The following LEKR1 variants were observed in gnomAD, a reference collection of about 807,000 sequenced individuals.
LEKR1 encodes leucine, glutamate and lysine rich 1, also known as protein LEKR1.
Under a neutral mutation model 72.4 loss-of-function variants are expected in LEKR1, and 59 were observed. The ratio of observed to expected loss-of-function variants is 0.82; its 90% confidence interval spans 0.66 to 1.01. LEKR1 has a LOEUF of 1.01. Among genes scored for constraint, LEKR1 ranks in the 50% least tolerant of loss-of-function variants. The pLI is 0.00. For missense variants in LEKR1, 728 were observed against 759.2 expected (o/e 0.96, Z 0.48); for synonymous variants, 257 against 263.2 (o/e 0.98, Z 0.23).
chr3:156,900,550 TA>T (rs11458111), intron 3 of LEKR1, among the ~76,000 whole-genome samples: 5 of 151,612 alleles, frequency 3.3e-5, no homozygotes, highest in East Asian at 1.9e-4. Flanking sequence ...TTTGATGATC[TA>T]AAAAAAAATC....
chr3:156,972,339 G>A (rs371417391), intron 6 of LEKR1, among the ~76,000 whole-genome samples: 2 of 150,422 alleles, frequency 1.3e-5, no homozygotes, highest in Non-Finnish European at 3.0e-5. Context: ...ACGGGGGCCT[G>A]TTATGGGGTC....
intron 3 of LEKR1, among the ~76,000 whole-genome samples, chr3:156,910,248 G>A (rs1002680799): frequency 6.6e-6 from 1 of 152,100 alleles, no homozygotes; most frequent in African/African-American, 2.4e-5. Context: ...CCCAGGTAGT[G>A]AGCATAGTAA....
At position 157,028,192 on chromosome 3, in the gene LEKR1, C is replaced by T; in HGVS notation, c.1458C>T (p.Tyr486=). 1 of 1,611,358 alleles carries T rather than the reference C, an allele frequency of 6.2e-7. No homozygotes were observed. The highest frequency in any genetic ancestry group is 8.5e-7 in the Non-Finnish European group (1 of 1,177,800). ...KEKLHKSHIR[Y]TEESNSKEKE... ...AACTTCACAAATCCCATATTCGGTACACTGAAGAATCTAATTCAAAGGAAA... is the reference window on the plus strand; with the variant it reads ...AACTTCACAAATCCCATATTCGGTATACTGAAGAATCTAATTCAAAGGAAA... The change falls in exon 12 of 13, where the codon TAC becomes TAT. Residue 486 remains tyrosine, a synonymous_variant. Transcript: ENST00000356539.
intron 9 of LEKR1, among the ~76,000 whole-genome samples, chr3:157,003,129 C>A (rs751629764): frequency 4.6e-5 from 7 of 152,158 alleles, no homozygotes; most frequent in Admixed American, 1.3e-4. Context: ...CAACAGGAAA[C>A]CTAATTTAAG....
At chr3:156,932,107 A>T (rs541310668) in intron 5 of LEKR1, among the ~76,000 whole-genome samples, 1 of 152,304 alleles carries the variant, frequency 6.6e-6, no homozygotes, top group South Asian at 2.1e-4. Context: ...ATGGATGTAT[A>T]AAGTATTTGA....
chr3:156,976,554 AC>A (rs1560120735), intron 6 of LEKR1, among the ~76,000 whole-genome samples: 1 of 152,030 alleles, frequency 6.6e-6, no homozygotes, highest in African/African-American at 2.4e-5. Context: ...AATCTAAACC[AC>A]CTTTTGGAGT....
chr3:156,987,838 T>C (rs1423373319), intron 7 of LEKR1, among the ~76,000 whole-genome samples: 1 of 152,162 alleles, frequency 6.6e-6, no homozygotes, highest in Admixed American at 6.5e-5. Context: ...TTAATTAGTC[T>C]AGTAGGCCAT....
intron 3 of LEKR1, among the ~76,000 whole-genome samples, chr3:156,854,306 G>A (rs1190546722): frequency 2.6e-5 from 4 of 151,626 alleles, no homozygotes. Flanking sequence ...ACCATGCACG[G>A]CTAATTTTTT....
chr3:156,833,951 T>C (rs1712775710), intron 2 of LEKR1, among the ~76,000 whole-genome samples: 1 of 151,774 alleles, frequency 6.6e-6, no homozygotes, highest in South Asian at 2.1e-4. Context: ...AAACATTTCA[T>C]TGTGGCTCAG....
chr3:156,947,959 T>C (rs1363118257), intron 6 of LEKR1, among the ~76,000 whole-genome samples: 2 of 151,184 alleles, frequency 1.3e-5, no homozygotes, highest in Non-Finnish European at 3.0e-5. Flanking sequence ...TTTTTCTCTC[T>C]CTACTCATTA....
intron 3 of LEKR1, among the ~76,000 whole-genome samples, chr3:156,916,516 C>A (rs62275800): frequency 0.032 from 4,826 of 151,820 alleles, 116 homozygotes; most frequent in Non-Finnish European, 0.047. Flanking sequence ...GTTTTGTGGT[C>A]ATTATGAATG....
At chr3:157,000,242 G>A (rs1731902457) in intron 9 of LEKR1, among the ~76,000 whole-genome samples, 1 of 152,118 alleles carries the variant, frequency 6.6e-6, no homozygotes, top group Non-Finnish European at 1.5e-5. Flanking sequence ...TCTTCAGATG[G>A]AAAATAGAAT....
intron 2 of LEKR1, among the ~76,000 whole-genome samples, chr3:156,835,079 T>C (rs1009845712): frequency 3.3e-5 from 5 of 152,248 alleles, no homozygotes; most frequent in African/African-American, 1.2e-4. Context: ...TGCCAGTTTT[T>C]AAGTTTCTAT....
intron 3 of LEKR1, among the ~76,000 whole-genome samples, chr3:156,869,374 C>T (rs1193686758): frequency 3.3e-5 from 5 of 151,956 alleles, no homozygotes; most frequent in African/African-American, 1.2e-4. Context: ...ATTATTTTCT[C>T]TTTTTAATAA....
chr3:157,043,417 A>G (rs1241342101), intron 12 of LEKR1, among the ~76,000 whole-genome samples: 1 of 151,164 alleles, frequency 6.6e-6, no homozygotes, highest in East Asian at 2.0e-4. Flanking sequence ...GAACTTAGAA[A>G]ACCTGGGCAA....
chr3:156,896,775 G>A (rs935705699), intron 3 of LEKR1, among the ~76,000 whole-genome samples: 3 of 151,966 alleles, frequency 2.0e-5, no homozygotes, highest in African/African-American at 4.8e-5. Context: ...CATTCACAAC[G>A]GCAAAGACGT....
chr3:156,833,878 C>A (rs868169459), intron 2 of LEKR1, among the ~76,000 whole-genome samples: 4 of 151,164 alleles, frequency 2.6e-5, no homozygotes, highest in Non-Finnish European at 4.4e-5. Context: ...TAGCATGTGG[C>A]TACCTGAATC....
At chr3:156,844,516 C>G (rs1012787056) in intron 2 of LEKR1, among the ~76,000 whole-genome samples, 2 of 152,100 alleles carry the variant, frequency 1.3e-5, no homozygotes, top group Non-Finnish European at 2.9e-5. Context: ...CCTTAACTTC[C>G]CCAATCTCTT....
At chr3:156,966,696 C>T (rs1474269820) in intron 6 of LEKR1, among the ~76,000 whole-genome samples, 1 of 152,200 alleles carries the variant, frequency 6.6e-6, no homozygotes, top group Non-Finnish European at 1.5e-5. Context: ...GACTCCACCT[C>T]TGGGGGCAGG....
Sources: allele counts gnomAD v4.1 joint callset (sites outside exome capture counted in the v4.1 genomes callset), GRCh38; gene constraint gnomAD v4.1.1; transcripts MANE v1.5; gene names NCBI Gene and HGNC (gene_info 2026-07-23, HGNC 2026-07-21).